NTM: variants seen among roughly 807,000 people sequenced by gnomAD.
The protein encoded by NTM is IgLON family member 2.
NTM carries 13 observed loss-of-function variants against 42.1 expected under a neutral mutation model. The ratio of observed to expected loss-of-function variants is 0.31; its 90% CI spans 0.20 to 0.49. The LOEUF is 0.49. Ranked by LOEUF, NTM falls within the 20% of genes least tolerant of loss-of-function variation. NTM has a pLI of 0.99. For synonymous variants in NTM, 187 were observed against 179.2 expected, an observed-to-expected ratio of 1.04 and a Z score of -0.35; for missense variants, 373 against 452.8, an observed-to-expected ratio of 0.82 and a Z score of 1.60.
intron 1 of NTM, among the ~76,000 whole-genome samples, chr11:131,858,982 C>T (rs539947774): frequency 9.8e-5 from 15 of 152,296 alleles, no homozygotes; most frequent in South Asian, 6.2e-4. Flanking sequence ...GAAAATGGAA[C>T]GTAAACATCA....
intron 1 of NTM, among the ~76,000 whole-genome samples, chr11:131,453,302 T>C (rs1950618092): frequency 6.6e-6 from 1 of 152,140 alleles, no homozygotes; most frequent in South Asian, 2.1e-4. Flanking sequence ...CCTCTGCAAC[T>C]TCCCCGTATG....
intron 1 of NTM, among the ~76,000 whole-genome samples, chr11:131,829,288 C>T (rs1230457878): frequency 6.6e-6 from 1 of 152,116 alleles, no homozygotes; most frequent in Non-Finnish European, 1.5e-5. Flanking sequence ...GATCCCATTA[C>T]TCAGGTATTG....
intron 2 of NTM, among the ~76,000 whole-genome samples, chr11:132,045,367 G>A (rs1184198935): frequency 1.3e-5 from 2 of 152,122 alleles, no homozygotes; most frequent in African/African-American, 2.4e-5. Context: ...GAGTAAAGGA[G>A]CCTGCCCTTA....
At chr11:131,647,019 G>A (rs112172068) in intron 1 of NTM, among the ~76,000 whole-genome samples, 1,697 of 152,288 alleles carry the variant, frequency 0.011, 44 homozygotes, top group African/African-American at 0.039. Context: ...GCCTTGCAGG[G>A]CTCCCAGGCC....
At chr11:131,512,745 G>A (rs1334769869) in intron 1 of NTM, among the ~76,000 whole-genome samples, 3 of 152,098 alleles carry the variant, frequency 2.0e-5, no homozygotes, top group Non-Finnish European at 4.4e-5. Flanking sequence ...TGGCCTTCTC[G>A]CTTCCACTCT....
intron 1 of NTM, among the ~76,000 whole-genome samples, chr11:131,833,019 A>C (rs2043018932): frequency 6.6e-6 from 1 of 152,222 alleles, no homozygotes. Context: ...AGTTGTCATA[A>C]ATACCCATAA....
chr11:131,984,975 T>C (rs1213340342), intron 2 of NTM, among the ~76,000 whole-genome samples: 2 of 152,202 alleles, frequency 1.3e-5, no homozygotes, highest in Non-Finnish European at 2.9e-5. Context: ...ATTGAGCCTT[T>C]GCTGCTTAGA....
At chr11:132,194,490 A>G (rs912857668) in intron 3 of NTM, among the ~76,000 whole-genome samples, 2 of 152,204 alleles carry the variant, frequency 1.3e-5, no homozygotes, top group African/African-American at 4.8e-5. Context: ...GACATATATG[A>G]CAAACCTACA....
At chr11:131,617,957 C>T (rs942224058) in intron 1 of NTM, among the ~76,000 whole-genome samples, 1 of 152,140 alleles carries the variant, frequency 6.6e-6, no homozygotes, top group African/African-American at 2.4e-5. Flanking sequence ...TTAGAAGAAC[C>T]AGAGCCTCTG....
At chr11:131,703,887 A>T (rs2135208638) in intron 1 of NTM, among the ~76,000 whole-genome samples, 1 of 152,188 alleles carries the variant, frequency 6.6e-6, no homozygotes, top group East Asian at 1.9e-4. Context: ...CCCAGTTTCC[A>T]GGCCTGCCTC....
At chr11:132,133,375 A>G (rs575936695) in intron 2 of NTM, among the ~76,000 whole-genome samples, 1 of 152,282 alleles carries the variant, frequency 6.6e-6, no homozygotes, top group Admixed American at 6.5e-5. Flanking sequence ...TTGCCTCTGC[A>G]TTGAATTCCT....
intron 2 of NTM, among the ~76,000 whole-genome samples, chr11:132,014,813 T>A (rs2135458905): frequency 6.6e-6 from 1 of 151,306 alleles, no homozygotes; most frequent in Admixed American, 6.6e-5. Context: ...GATAAATAGT[T>A]TGCAAATACT....
chr11:131,714,324 G>A (rs2077467635), intron 1 of NTM, among the ~76,000 whole-genome samples: 1 of 152,068 alleles, frequency 6.6e-6, no homozygotes, highest in Non-Finnish European at 1.5e-5. Context: ...AAGTAGCTGG[G>A]ACTTCAGGCA....
At chr11:131,860,865 A>G (rs1368322453) in intron 1 of NTM, among the ~76,000 whole-genome samples, 1 of 152,142 alleles carries the variant, frequency 6.6e-6, no homozygotes, top group Non-Finnish European at 1.5e-5. Context: ...CTGGCTACAT[A>G]CTTATGAAAA....
intron 2 of NTM, among the ~76,000 whole-genome samples, chr11:131,924,068 C>T (rs372539804): frequency 1.9e-4 from 29 of 152,302 alleles, no homozygotes; most frequent in Middle Eastern, 6.8e-3. Flanking sequence ...GCAGTGGGCC[C>T]GTGGTGGGCA....
intron 3 of NTM, among the ~76,000 whole-genome samples, chr11:132,181,440 G>A (rs1391583912): frequency 6.6e-6 from 1 of 152,154 alleles, no homozygotes; most frequent in East Asian, 1.9e-4. Flanking sequence ...TAGCTTTTAT[G>A]TCCTGCAGAC....
At chr11:132,208,063 T>C (rs1236078756) in intron 3 of NTM, among the ~76,000 whole-genome samples, 1 of 152,170 alleles carries the variant, frequency 6.6e-6, no homozygotes, top group African/African-American at 2.4e-5. Flanking sequence ...AGTGAATGAA[T>C]GAAAATAAGC....
chr11:131,419,881 C>T (rs77166539), intron 1 of NTM, among the ~76,000 whole-genome samples: 2,472 of 152,192 alleles, frequency 0.016, 61 homozygotes, highest in African/African-American at 0.055. Context: ...GCAGAGCTGG[C>T]TGCCCACCAT....
chr11:131,520,343 C>T (rs1317535456), intron 1 of NTM, among the ~76,000 whole-genome samples: 14 of 152,110 alleles, frequency 9.2e-5, no homozygotes, highest in South Asian at 2.1e-4. Context: ...TTAAGGTAAA[C>T]AAACTAAGCT....
Sources: gnomAD v4.1 joint callset for allele counts (sites outside exome capture counted in the v4.1 genomes callset) on GRCh38, gnomAD v4.1.1 for gene constraint, MANE v1.5 for transcripts, NCBI Gene and HGNC (gene_info 2026-07-23, HGNC 2026-07-21) for gene names.